The following ACSBG1 variants were observed in gnomAD, a reference collection of about 807,000 sequenced individuals.
The protein encoded by ACSBG1 is acyl-CoA synthetase bubblegum family member 1, also known as long-chain-fatty-acid--CoA ligase ACSBG1.
ACSBG1 carries 39 observed loss-of-function variants against 80.2 expected under a neutral mutation model. The observed-to-expected ratio is 0.49, with a 90% confidence interval of 0.38 to 0.64. ACSBG1 has a LOEUF of 0.64. Ranked by LOEUF, ACSBG1 falls within the 30% of genes least tolerant of loss-of-function variation. ACSBG1 has a pLI of 0.00. For missense variants in ACSBG1, 828 were observed against 966.4 expected (o/e 0.86, Z 1.90); for synonymous variants, 392 against 379.5 (o/e 1.03, Z -0.38).
Position 78,185,052 on chromosome 15 carries a change from G to GGA in ACSBG1, c.664-2269_664-2268dup, listed in dbSNP as rs35144005. 6.9e-3 allele frequency among the ~76,000 whole-genome samples: 975 copies of GGA among 141,188 alleles called. 11 individuals are homozygous for GGA. Among genetic ancestry groups the GGA allele is most frequent in the African/African-American group, 0.016 (611 of 37,948 alleles). The allele number at this position is 141,188 out of a possible 152,430, so 92.6% of individuals were successfully genotyped here. A position where few individuals can be genotyped will look rare whatever the true frequency, so the allele number is the denominator to read the frequency against. Reference sequence around the variant, plus strand: ...AGGGAGAGAAAGGGGCGGAGGGGAGGGAGAGAGAGAGAGAGAGAGAGAGAG... The same window carrying GGA: ...AGGGAGAGAAAGGGGCGGAGGGGAGGGAGAGAGAGAGAGAGAGAGAGAGAGAG... On this transcript the variant is annotated intron_variant, in intron 5 of 13. Transcript: ENST00000258873.
chr15:78,193,486 C>G lies in ACSBG1; in HGVS notation c.663+20G>C. ...GGATACCCAGCATCTGACCCCATGC[C>G]CACTGCCTCTTCCCCAAACCTTCAG... On this transcript the variant is annotated intron_variant, in intron 5 of 13. Coordinates refer to ENST00000258873, the MANE Select transcript of ACSBG1 (RefSeq NM_015162.5). 6.3e-7 allele frequency: 1 copy of G among 1,598,218 alleles called. No individual in the cohort carries two copies. Among genetic ancestry groups the G allele is most frequent in the Non-Finnish European group, 8.5e-7 (1 of 1,171,356 alleles).
In ACSBG1 at chr15:78,179,716, G is replaced by A. The variant is rs2074921473; in HGVS notation, c.1318C>T (p.Leu440=). The A allele has an allele frequency of 6.2e-7, 1 of 1,614,146 alleles. No individual in the cohort carries two copies. Among genetic ancestry groups the A allele is most frequent in the South Asian group, 1.1e-5 (1 of 91,072 alleles). The change falls in exon 10 of 14, where the codon CTG becomes TTG. Residue 440 remains leucine, a synonymous_variant. Transcript: ENST00000258873. Reference sequence around the variant, plus strand: ...TTCTTTTGACACTTGGCAAATCCCAGTGCCTGGCGAACCTTGGCTAGCACC... The same window carrying A: ...TTCTTTTGACACTTGGCAAATCCCAATGCCTGGCGAACCTTGGCTAGCACC... The part of the protein sequence containing the change: ...YLVLAKVRQA[L]GFAKCQKNFY...
intron 1 of ACSBG1, among the ~76,000 whole-genome samples, chr15:78,222,520 A>G (rs1595904521): frequency 6.6e-6 from 1 of 152,254 alleles, no homozygotes; most frequent in Non-Finnish European, 1.5e-5. Context: ...AAAATTAGCC[A>G]GACATGGTGA....
chr15:78,174,683 A>C, intron 11 of ACSBG1, 159 bp from the exon 12 acceptor site: 3 of 802,192 alleles, frequency 3.7e-6, no homozygotes, highest in Non-Finnish European at 3.8e-6. Flanking sequence ...AAAGCAACTC[A>C]CACCTGCTTG....
chr15:78,221,881 C>T (rs947859099), intron 1 of ACSBG1, among the ~76,000 whole-genome samples: 7 of 152,194 alleles, frequency 4.6e-5, no homozygotes, highest in African/African-American at 1.4e-4. Context: ...TTCAATAAAG[C>T]ACATGTTTCT....
Position 78,193,572 on chromosome 15 carries a change from G to C in ACSBG1, c.597C>G (p.Ile199Met). The C allele has an allele frequency of 6.2e-7, 1 of 1,613,872 alleles. No individual in the cohort carries two copies. Among genetic ancestry groups the C allele is most frequent in the Non-Finnish European group, 8.5e-7 (1 of 1,179,858 alleles). The part of the protein sequence containing the change: ...TTSSPEACQY[I>M]AYDCCANVIM... ...TGACATTGGCGCAGCAGTCATAAGC[G>C]ATGTACTGGCAGGCCTCTGGGGAGC... Residue 199 changes from isoleucine (I) to methionine (M), a missense_variant, in exon 5 of 14, where the codon ATC (isoleucine) becomes ATG (methionine). Ile to Met is a conservative substitution (Grantham distance 10). Around this residue, in one of 3 missense-constraint regions of ACSBG1, gnomAD observed 356 missense variants for 363.5 expected, o/e 0.98. Transcript: ENST00000258873.
At chr15:78,230,742 C>T (rs1484383593) in intron 1 of ACSBG1, among the ~76,000 whole-genome samples, 1 of 152,234 alleles carries the variant, frequency 6.6e-6, no homozygotes, top group Non-Finnish European at 1.5e-5. Context: ...TGTCTGCTGC[C>T]ATGTGAGATG....
At chr15:78,176,835 G>A (rs1000155725) in intron 11 of ACSBG1, among the ~76,000 whole-genome samples, 6 of 152,140 alleles carry the variant, frequency 3.9e-5, no homozygotes, top group African/African-American at 1.2e-4. Flanking sequence ...AGGCTGGACC[G>A]GAGGATCACT....
Position 78,200,012 on chromosome 15 carries a change from A to G in ACSBG1, c.233-5286T>C, listed in dbSNP as rs376526615. On this transcript the variant is annotated intron_variant, in intron 2 of 13. Transcript: ENST00000258873. The stretch of plus-strand genomic sequence containing the variant: ...AGCCTCCAGCCCTCCTTCTCGGTTT[A>G]GATTATTAGAAGGAGGTTTACCGGA... Among the ~76,000 whole-genome samples, 23 of 152,254 alleles carry G rather than the reference A, an allele frequency of 1.5e-4. No individual in the cohort carries two copies. In the East Asian group the frequency reaches 3.1e-3, roughly 20 times the overall value.
intron 1 of ACSBG1, among the ~76,000 whole-genome samples, chr15:78,228,561 G>A (rs2075422376): frequency 6.6e-6 from 1 of 152,296 alleles, no homozygotes; most frequent in South Asian, 2.1e-4. Context: ...TGCAGCTCCT[G>A]AGAGGACTAC....
Position 78,234,564 on chromosome 15 carries a change from G to A in ACSBG1, c.-63C>T. 6.4e-7 allele frequency: 1 copy of A among 1,560,388 alleles called. No individual in the cohort carries two copies. Among genetic ancestry groups the A allele is most frequent in the South Asian group, 1.1e-5 (1 of 88,598 alleles). The stretch of plus-strand genomic sequence containing the variant: ...ACTGAGAGAGGCTAGCCTTGAGTGA[G>A]CAGTGGGGGTGGGCATGGGGCAGGG... On this transcript the variant is annotated 5_prime_UTR_variant, in exon 1 of 14. Transcript: ENST00000258873.
chr15:78,208,426 C>T (rs2075236239), intron 1 of ACSBG1, among the ~76,000 whole-genome samples: 1 of 152,158 alleles, frequency 6.6e-6, no homozygotes, highest in African/African-American at 2.4e-5. Flanking sequence ...GGTCTCAGCA[C>T]CCCACCTGGA....
intron 1 of ACSBG1, among the ~76,000 whole-genome samples, chr15:78,209,682 C>A (rs1012607694): frequency 6.6e-6 from 1 of 152,170 alleles, no homozygotes. Context: ...GCACTGTGAT[C>A]ATCTGGGGAA....
At chr15:78,222,541 C>T (rs190220062) in intron 1 of ACSBG1, among the ~76,000 whole-genome samples, 16 of 152,126 alleles carry the variant, frequency 1.1e-4, no homozygotes, top group South Asian at 2.1e-4. Flanking sequence ...CAGGTGCCTG[C>T]GGTCACAGCT....
At position 78,182,004 on chromosome 15, in the gene ACSBG1, C is replaced by G. The variant is rs1355950102; in HGVS notation, c.1036G>C (p.Ala346Pro). 1 of 1,614,026 alleles carries G rather than the reference C, an allele frequency of 6.2e-7. No individual in the cohort carries two copies. Among genetic ancestry groups the G allele is most frequent in the African/African-American group, 1.3e-5 (1 of 75,038 alleles). ...TCGGGTTCGGCAAAGCAAACCTGGG[C>G]CCCCCACTGGATGCCTGTCCACAGG... ...YDLWTGIQWGAQVCFAEPDAL... is the reference protein window; with the variant it reads ...YDLWTGIQWGPQVCFAEPDAL... Residue 346 changes from alanine to proline, a missense_variant, in exon 8 of 14, where the codon GCC (alanine) becomes CCC (proline). Physicochemically the swap from Ala to Pro is conservative, Grantham distance 27. Coordinates refer to ENST00000258873, the MANE Select transcript of ACSBG1 (RefSeq NM_015162.5).
At chr15:78,206,205 C>T (rs2075213133) in intron 2 of ACSBG1, among the ~76,000 whole-genome samples, 1 of 152,214 alleles carries the variant, frequency 6.6e-6, no homozygotes, top group Non-Finnish European at 1.5e-5. Context: ...CCTCCCAAAC[C>T]TCCCCTTTCT....
Position 78,170,335 on chromosome 15 carries a change from C to A in ACSBG1, c.*1109G>T, listed in dbSNP as rs1371364074. 6.6e-6 allele frequency: 1 copy of A among 151,976 alleles called. No individual in the cohort carries two copies. The highest frequency in any genetic ancestry group is 1.5e-5 in the Non-Finnish European group (1 of 67,988). 9.4% of individuals were successfully genotyped at this position (151,976 alleles called of 1,614,324 possible). On this transcript the variant is annotated 3_prime_UTR_variant, in exon 14 of 14. Coordinates refer to ENST00000258873, the MANE Select transcript of ACSBG1 (RefSeq NM_015162.5). The stretch of plus-strand genomic sequence containing the variant: ...GTAACATTGCAAACCTGTGGCTTTG[C>A]AAAATGTACCCAGGTCACAAGGGGA...
At chr15:78,182,403 C>A (rs1330789727) in intron 7 of ACSBG1, 63 bp downstream of exon 7, 1 of 1,590,476 alleles carries the variant, frequency 6.3e-7, no homozygotes, top group African/African-American at 1.3e-5. Context: ...GGGGCAGAGC[C>A]ATGGCCCAGA....
At chr15:78,211,408 G>A (rs2075266356) in intron 1 of ACSBG1, among the ~76,000 whole-genome samples, 1 of 152,250 alleles carries the variant, frequency 6.6e-6, no homozygotes, top group South Asian at 2.1e-4. Flanking sequence ...AGAACGGCCT[G>A]AGGAGGCTGA....
Sources: allele counts gnomAD v4.1 joint callset (sites outside exome capture counted in the v4.1 genomes callset), GRCh38; gene constraint gnomAD v4.1.1; regional missense constraint gnomAD v4.1.1; transcripts MANE v1.5; gene names NCBI Gene and HGNC (gene_info 2026-07-23, HGNC 2026-07-21).